LDLRAD4: variants seen among roughly 807,000 people sequenced by gnomAD.
The protein encoded by LDLRAD4 is low-density lipoprotein receptor class A domain-containing protein 4.
A neutral mutation model predicts 17.0 loss-of-function variants in LDLRAD4; 5 were observed. The ratio of observed to expected loss-of-function variants is 0.29; its 90% CI spans 0.15 to 0.62. LDLRAD4 has a LOEUF of 0.62. LDLRAD4 is among the 20% of genes least tolerant of loss of function. The pLI is 0.84. For synonymous variants in LDLRAD4, 168 were observed against 171.8 expected, an observed-to-expected ratio of 0.98 and a Z score of 0.17; for missense variants, 340 against 424.7, an observed-to-expected ratio of 0.80 and a Z score of 1.75.
chr18:13,585,985 A>G (rs2094927585), intron 3 of LDLRAD4, among the ~76,000 whole-genome samples: 1 of 152,216 alleles, frequency 6.6e-6, no homozygotes, highest in African/African-American at 2.4e-5. Flanking sequence ...GATCAAAAAT[A>G]TTTCGTGATG....
At chr18:13,514,956 G>T (rs1434345166) in intron 3 of LDLRAD4, 1 of 120,832 alleles carries the variant, frequency 8.3e-6, no homozygotes, top group Non-Finnish European at 1.8e-5. Flanking sequence ...TCACTGAAAG[G>T]CATGTTTGCC....
chr18:13,601,001 A>G (rs991843694), intron 3 of LDLRAD4, among the ~76,000 whole-genome samples: 2 of 152,202 alleles, frequency 1.3e-5, no homozygotes, highest in Non-Finnish European at 2.9e-5. Flanking sequence ...CCTTATCTGC[A>G]TAAAAGGCAC....
intron 3 of LDLRAD4, among the ~76,000 whole-genome samples, chr18:13,518,983 C>T (rs1257104343): frequency 1.3e-5 from 2 of 152,292 alleles, no homozygotes; most frequent in Admixed American, 6.5e-5. Flanking sequence ...CTTTCTTCAG[C>T]AGCAGTGTTC....
At chr18:13,388,504 G>A (rs1026675480) in intron 2 of LDLRAD4, among the ~76,000 whole-genome samples, 1 of 152,028 alleles carries the variant, frequency 6.6e-6, no homozygotes, top group Non-Finnish European at 1.5e-5. Flanking sequence ...AAGAGGTTTT[G>A]TGGAGGTTGC....
At chr18:13,287,145 C>G (rs1422090874) in intron 1 of LDLRAD4, among the ~76,000 whole-genome samples, 1 of 151,770 alleles carries the variant, frequency 6.6e-6, no homozygotes, top group Non-Finnish European at 1.5e-5. Context: ...CAGCACAATC[C>G]CCACCAGGAC....
At chr18:13,225,125 T>C (rs1406503470) in intron 1 of LDLRAD4, among the ~76,000 whole-genome samples, 2 of 152,194 alleles carry the variant, frequency 1.3e-5, no homozygotes, top group East Asian at 3.9e-4. Flanking sequence ...TGTGAGCCAC[T>C]GCGCCAGGCC....
chr18:13,633,609 A>T (rs1001917028), intron 4 of LDLRAD4, among the ~76,000 whole-genome samples: 1 of 152,140 alleles, frequency 6.6e-6, no homozygotes, highest in Non-Finnish European at 1.5e-5. Flanking sequence ...AAATTGTGAC[A>T]CACCTGGCCA....
rs149513886 is a variant in LDLRAD4, at chr18:13,432,748, G to T, written c.41-5496G>T. 4.6e-5 allele frequency among the ~76,000 whole-genome samples: 7 copies of T among 152,266 alleles called. No individual in the cohort carries two copies. The South Asian group carries it at 8.3e-4, about 18-fold the overall frequency. On this transcript the variant is annotated intron_variant, in intron 2 of 5. Coordinates refer to ENST00000359446, the Ensembl canonical transcript of LDLRAD4. ...TTATTTATTTAAGAGACAGGGTCTG[G>T]CTCTGTTGCCCAGGCTGGAGTGCAG...
intron 3 of LDLRAD4, among the ~76,000 whole-genome samples, chr18:13,583,151 C>G (rs2094886811): frequency 2.0e-5 from 3 of 152,114 alleles, no homozygotes; most frequent in African/African-American, 7.2e-5. Context: ...TATTTACTAG[C>G]CACAGTGGAC....
chr18:13,487,630 ACTC>A (rs917190202), intron 3 of LDLRAD4: 1 of 152,218 alleles, frequency 6.6e-6, no homozygotes, highest in Non-Finnish European at 1.5e-5. Flanking sequence ...GTATGACTAA[ACTC>A]CTGCAGTATC....
chr18:13,419,737 C>T (rs924750851), intron 2 of LDLRAD4: 1 of 152,188 alleles, frequency 6.6e-6, no homozygotes, highest in Non-Finnish European at 1.5e-5. Context: ...AATTTCTCAG[C>T]TCTAAAATAA....
chr18:13,268,877 T>TA (rs1185823064), intron 1 of LDLRAD4, among the ~76,000 whole-genome samples: 3 of 152,366 alleles, frequency 2.0e-5, no homozygotes, highest in Admixed American at 1.3e-4. Flanking sequence ...AGTAGTGATT[T>TA]AAAAAATGAA....
At chr18:13,619,358 T>C (rs1746092269) in intron 3 of LDLRAD4, among the ~76,000 whole-genome samples, 1 of 151,968 alleles carries the variant, frequency 6.6e-6, no homozygotes, top group Admixed American at 6.5e-5. Flanking sequence ...TGAGCAGAAA[T>C]AAGGCCACTT....
At chr18:13,467,486 GAAATT>G (rs2092654999) in intron 3 of LDLRAD4, among the ~76,000 whole-genome samples, 2 of 152,204 alleles carry the variant, frequency 1.3e-5, no homozygotes, top group African/African-American at 4.8e-5. Flanking sequence ...ATTGCTGAAA[GAAATT>G]AAAGAATACC....
At chr18:13,271,625 T>C (rs916716604) in intron 1 of LDLRAD4, among the ~76,000 whole-genome samples, 3 of 152,220 alleles carry the variant, frequency 2.0e-5, no homozygotes, top group Non-Finnish European at 2.9e-5. Context: ...GTGAAGTCCT[T>C]GAATGCCGAT....
chr18:13,528,117 C>G (rs1232353452), intron 3 of LDLRAD4, among the ~76,000 whole-genome samples: 1 of 152,186 alleles, frequency 6.6e-6, no homozygotes, highest in Non-Finnish European at 1.5e-5. Flanking sequence ...GGACAACCTA[C>G]CTGGGCTTTC....
At chr18:13,463,930 A>G (rs1313206531) in intron 3 of LDLRAD4, among the ~76,000 whole-genome samples, 1 of 152,238 alleles carries the variant, frequency 6.6e-6, no homozygotes, top group Non-Finnish European at 1.5e-5. Flanking sequence ...TGCCTCTTAT[A>G]TGTGGAGAAA....
At chr18:13,456,325 G>T (rs1268999744) in intron 3 of LDLRAD4, among the ~76,000 whole-genome samples, 1 of 152,194 alleles carries the variant, frequency 6.6e-6, no homozygotes, top group African/African-American at 2.4e-5. Flanking sequence ...ACACGGGGGT[G>T]CCCCTTCCTG....
chr18:13,417,185 A>G lies in LDLRAD4; in HGVS notation c.41-21059A>G, dbSNP rs1390776977. On this transcript the variant is annotated intron_variant, in intron 2 of 5. Coordinates refer to ENST00000359446, the Ensembl canonical transcript of LDLRAD4. ...TAGCTTGAGAGGTTCCAGAGTTCAC[A>G]TCTCACTGTAGTAGGGATACACCCA... Among the ~76,000 whole-genome samples, 3 of 152,228 alleles carry G rather than the reference A, an allele frequency of 2.0e-5. 1 individual carries two copies. Among genetic ancestry groups the G allele is most frequent in the Non-Finnish European group, 4.4e-5 (3 of 68,036 alleles).
Sources: gnomAD v4.1 joint callset for allele counts (sites outside exome capture counted in the v4.1 genomes callset) on GRCh38, gnomAD v4.1.1 for gene constraint, MANE v1.5 for transcripts, NCBI Gene and HGNC (gene_info 2026-07-23, HGNC 2026-07-21) for gene names.